The following FBXL20 variants were observed in gnomAD, a reference collection of about 807,000 sequenced individuals.
The protein encoded by FBXL20 is F-box and leucine rich repeat protein 20.
In FBXL20, 11 loss-of-function variants were observed where a neutral mutation model predicts 64.0. That is an observed-to-expected ratio of 0.17 (90% CI 0.11 to 0.28). The LOEUF is 0.28. FBXL20 is among the 10% of genes least tolerant of loss of function. FBXL20 has a pLI of 1.00. For missense variants in FBXL20, 303 were observed against 526.2 expected (o/e 0.58, Z 4.15); for synonymous variants, 184 against 189.0 (o/e 0.97, Z 0.22).
chr17:39,282,683 C>G lies in FBXL20; in HGVS notation c.621+46G>C, dbSNP rs1257033394. 4 of 1,613,112 alleles carry G rather than the reference C, an allele frequency of 2.5e-6. No individual in the cohort carries two copies. In the South Asian group the frequency reaches 4.4e-5, roughly 18 times the overall value. ...GGCTGTCTATAAAGAGCTCATGATT[C>G]ATTCACGATTCTTCCGAATTTCACG... On this transcript the variant is annotated intron_variant, in intron 8 of 14. Transcript: ENST00000264658.
intron 2 of FBXL20, among the ~76,000 whole-genome samples, chr17:39,312,248 C>G (rs2047241473): frequency 6.6e-6 from 1 of 151,804 alleles, no homozygotes; most frequent in African/African-American, 2.4e-5. Context: ...AACCCCATCT[C>G]TACTAAACAT....
At chr17:39,272,351 G>A (rs184519568) in intron 10 of FBXL20, among the ~76,000 whole-genome samples, 58 of 149,622 alleles carry the variant, frequency 3.9e-4, no homozygotes, top group Admixed American at 1.3e-3. Context: ...ACGCCACTGC[G>A]CTCCAGCCTG....
chr17:39,344,017 C>T (rs780479251), intron 1 of FBXL20, among the ~76,000 whole-genome samples: 6 of 152,110 alleles, frequency 3.9e-5, no homozygotes, highest in African/African-American at 7.2e-5. Flanking sequence ...GTCCCTGCCA[C>T]GGTGCCCAGC....
chr17:39,356,396 C>T (rs912851333), intron 1 of FBXL20, among the ~76,000 whole-genome samples: 1 of 152,048 alleles, frequency 6.6e-6, no homozygotes, highest in Non-Finnish European at 1.5e-5. Context: ...CACTCTGTCA[C>T]TGAGGCTGGA....
intron 9 of FBXL20, among the ~76,000 whole-genome samples, chr17:39,276,497 C>T (rs984581847): frequency 3.3e-5 from 5 of 151,536 alleles, no homozygotes; most frequent in East Asian, 4.0e-4. Context: ...GGTGAAACCC[C>T]GTCTCTACTA....
At chr17:39,279,277 T>A (rs573252266) in intron 9 of FBXL20, among the ~76,000 whole-genome samples, 1 of 152,124 alleles carries the variant, frequency 6.6e-6, no homozygotes, top group Non-Finnish European at 1.5e-5. Flanking sequence ...GGCAGGCAGA[T>A]TGCTTGAGCC....
At chr17:39,399,007 A>C (rs1321501695) in intron 1 of FBXL20, among the ~76,000 whole-genome samples, 1 of 152,134 alleles carries the variant, frequency 6.6e-6, no homozygotes, top group Non-Finnish European at 1.5e-5. Context: ...TTTTTTCTAT[A>C]GCTCTAACCC....
intron 3 of FBXL20, among the ~76,000 whole-genome samples, chr17:39,302,282 T>A (rs2047143170): frequency 6.6e-6 from 1 of 151,632 alleles, no homozygotes; most frequent in African/African-American, 2.4e-5. Context: ...CAATCATGGG[T>A]CACTTGCAGC....
intron 9 of FBXL20, among the ~76,000 whole-genome samples, chr17:39,280,401 CAAAA>C (rs369912448): frequency 1.2e-4 from 12 of 100,340 alleles, no homozygotes; most frequent in Non-Finnish European, 1.9e-4. Context: ...GACTCTGTCT[CAAAA>C]AAAAAAAAAA....
intron 2 of FBXL20, among the ~76,000 whole-genome samples, chr17:39,310,315 A>G (rs1241199254): frequency 6.6e-6 from 1 of 152,042 alleles, no homozygotes; most frequent in Non-Finnish European, 1.5e-5. Context: ...CACGTTTCAT[A>G]CTAACTTCCC....
chr17:39,316,909 A>C (rs1305545422), intron 2 of FBXL20, among the ~76,000 whole-genome samples: 4 of 152,224 alleles, frequency 2.6e-5, no homozygotes, highest in African/African-American at 9.6e-5. Flanking sequence ...GAAGCACTTG[A>C]ACCTGGGAGG....
chr17:39,269,286 C>T (rs543747037), intron 11 of FBXL20, among the ~76,000 whole-genome samples: 2 of 152,160 alleles, frequency 1.3e-5, no homozygotes, highest in South Asian at 2.1e-4. Context: ...CTCTACCTCC[C>T]GGGTTCACGC....
chr17:39,395,692 C>T (rs2048176331), intron 1 of FBXL20, among the ~76,000 whole-genome samples: 1 of 152,184 alleles, frequency 6.6e-6, no homozygotes, highest in Non-Finnish European at 1.5e-5. Context: ...ATACCATTTT[C>T]ACATGCACCA....
intron 1 of FBXL20, among the ~76,000 whole-genome samples, chr17:39,346,695 C>CTT (rs112975808): frequency 4.7e-5 from 7 of 149,236 alleles, no homozygotes; most frequent in African/African-American, 1.5e-4. Context: ...CTGACAATTA[C>CTT]TTTTTTTTTT....
At chr17:39,320,592 ATT>A (rs916741667) in intron 2 of FBXL20, among the ~76,000 whole-genome samples, 40 of 137,598 alleles carry the variant, frequency 2.9e-4, no homozygotes, top group Middle Eastern at 3.8e-3. Context: ...TCTAGTATGA[ATT>A]TTTTTTTTTT....
At chr17:39,389,423 G>A (rs1461179560) in intron 1 of FBXL20, among the ~76,000 whole-genome samples, 5 of 152,120 alleles carry the variant, frequency 3.3e-5, no homozygotes, top group South Asian at 2.1e-4. Flanking sequence ...TGATAAGGAC[G>A]AATGTCGGGA....
intron 12 of FBXL20, 129 bp from the exon 13 acceptor site, chr17:39,265,582 C>A (rs1259772948): frequency 5.4e-6 from 3 of 560,296 alleles, no homozygotes; most frequent in Non-Finnish European, 9.0e-6. Context: ...TATAAGCTCA[C>A]TGCAGCCTAA....
chr17:39,278,549 T>TTTA (rs2046920522), intron 9 of FBXL20, among the ~76,000 whole-genome samples: 1 of 19,868 alleles, frequency 5.0e-5, no homozygotes, highest in African/African-American at 8.4e-5. Context: ...CATTCCAGTC[T>TTTA]TTTTTTTTTT....
chr17:39,384,945 C>A (rs1172785609), intron 1 of FBXL20, among the ~76,000 whole-genome samples: 2 of 151,898 alleles, frequency 1.3e-5, no homozygotes, highest in African/African-American at 4.8e-5. Flanking sequence ...ACAGAGACTC[C>A]GTCTCAACAA....
Sources: allele counts gnomAD v4.1 joint callset (sites outside exome capture counted in the v4.1 genomes callset), GRCh38; gene constraint gnomAD v4.1.1; transcripts MANE v1.5; gene names NCBI Gene and HGNC (gene_info 2026-07-23, HGNC 2026-07-21).